Variants in GPC6 observed in about 807,000 individuals in gnomAD.
GPC6 encodes glypican-6.
Under a neutral mutation model 55.2 loss-of-function variants are expected in GPC6, and 14 were observed. The observed-to-expected ratio is 0.25, with a 90% CI of 0.17 to 0.40. The LOEUF is 0.40. GPC6 is among the 10% of genes least tolerant of loss of function. GPC6 has a pLI of 1.00. For synonymous variants in GPC6, 278 were observed against 259.6 expected (o/e 1.07, Z -0.68); for missense variants, 641 against 708.5 (o/e 0.90, Z 1.08).
intron 3 of GPC6, among the ~76,000 whole-genome samples, chr13:93,950,423 T>C (rs956193346): frequency 2.0e-5 from 3 of 152,310 alleles, no homozygotes; most frequent in African/African-American, 4.8e-5. Flanking sequence ...CTATTTTTTT[T>C]CCACCTATTA....
intron 4 of GPC6, among the ~76,000 whole-genome samples, chr13:94,157,148 A>G (rs1322024226): frequency 6.6e-6 from 1 of 152,176 alleles, no homozygotes; most frequent in African/African-American, 2.4e-5. Flanking sequence ...CTTTAGATGT[A>G]TGGCTTTGGG....
chr13:94,163,413 T>C (rs1888237711), intron 4 of GPC6, among the ~76,000 whole-genome samples: 1 of 152,090 alleles, frequency 6.6e-6, no homozygotes, highest in South Asian at 2.1e-4. Context: ...CCCTAAATTC[T>C]CATGTATGTA....
At chr13:93,460,275 G>T (rs1878629830) in intron 1 of GPC6, among the ~76,000 whole-genome samples, 1 of 152,144 alleles carries the variant, frequency 6.6e-6, no homozygotes. Context: ...TGGATAAATG[G>T]TCTTTAATTA....
chr13:93,746,689 A>G (rs6492676), intron 2 of GPC6, among the ~76,000 whole-genome samples: 139,853 of 152,238 alleles, frequency 0.92, 64,374 homozygotes, highest in Admixed American at 0.96. Flanking sequence ...AGGTGTCTAT[A>G]GCATAGCAGC....
At chr13:94,377,835 G>T (rs1879958871) in intron 6 of GPC6, among the ~76,000 whole-genome samples, 2 of 152,112 alleles carry the variant, frequency 1.3e-5, no homozygotes, top group African/African-American at 4.8e-5. Flanking sequence ...AGAAATTGTG[G>T]CACATATACA....
intron 2 of GPC6, among the ~76,000 whole-genome samples, chr13:93,774,418 T>C (rs1194105312): frequency 6.6e-6 from 1 of 152,212 alleles, no homozygotes; most frequent in Non-Finnish European, 1.5e-5. Flanking sequence ...AAGTATCTTA[T>C]ATTTTTAACT....
intron 4 of GPC6, among the ~76,000 whole-genome samples, chr13:94,072,255 A>T (rs1468676059): frequency 6.6e-6 from 1 of 152,250 alleles, no homozygotes; most frequent in Non-Finnish European, 1.5e-5. Flanking sequence ...TTTAATGAAG[A>T]TGGAAAACCA....
chr13:93,945,408 A>G (rs1355673261), intron 3 of GPC6, among the ~76,000 whole-genome samples: 2 of 152,222 alleles, frequency 1.3e-5, no homozygotes, highest in East Asian at 3.9e-4. Context: ...AAAGTCAGGA[A>G]GAGCAGAGGG....
intron 4 of GPC6, among the ~76,000 whole-genome samples, chr13:94,231,692 AGAGT>A (rs1388998538): frequency 2.0e-5 from 3 of 152,220 alleles, no homozygotes; most frequent in African/African-American, 7.2e-5. Flanking sequence ...CAAGCTAAGC[AGAGT>A]GATAGCAAAT....
At chr13:93,511,530 T>C (rs982915881) in intron 1 of GPC6, among the ~76,000 whole-genome samples, 5 of 152,150 alleles carry the variant, frequency 3.3e-5, no homozygotes, top group South Asian at 4.1e-4. Context: ...GTTTCATTGG[T>C]CTGTGTATCT....
At chr13:93,294,461 C>CA (rs1029566790) in intron 1 of GPC6, among the ~76,000 whole-genome samples, 3 of 152,126 alleles carry the variant, frequency 2.0e-5, no homozygotes, top group African/African-American at 7.2e-5. Context: ...CCTGCCCCTG[C>CA]AAAAAAGACA....
intron 1 of GPC6, among the ~76,000 whole-genome samples, chr13:93,254,200 C>A (rs1876876294): frequency 6.6e-6 from 1 of 152,106 alleles, no homozygotes; most frequent in Non-Finnish European, 1.5e-5. Flanking sequence ...GTGGCATGTG[C>A]CTGTAGTCCC....
intron 1 of GPC6, among the ~76,000 whole-genome samples, chr13:93,368,244 C>T (rs1881318047): frequency 6.6e-6 from 1 of 151,572 alleles, no homozygotes; most frequent in East Asian, 2.0e-4. Flanking sequence ...CCCTCCGTCC[C>T]TCCCTACTCC....
chr13:94,216,281 C>G (rs1890223741), intron 4 of GPC6, among the ~76,000 whole-genome samples: 2 of 152,120 alleles, frequency 1.3e-5, no homozygotes, highest in Non-Finnish European at 2.9e-5. Flanking sequence ...TTTACTTTCC[C>G]CATTAACACA....
chr13:93,675,916 T>C (rs778572606), intron 2 of GPC6, among the ~76,000 whole-genome samples: 99 of 151,820 alleles, frequency 6.5e-4, no homozygotes, highest in Non-Finnish European at 1.3e-3. Context: ...TTTATTACTA[T>C]ACAATTTCAG....
At chr13:93,586,459 A>G (rs2017149) in intron 2 of GPC6, among the ~76,000 whole-genome samples, 9,588 of 152,224 alleles carry the variant, frequency 0.063, 967 homozygotes, top group African/African-American at 0.21. Context: ...AAATAAGACC[A>G]CACACCCAAA....
intron 1 of GPC6, among the ~76,000 whole-genome samples, chr13:93,444,836 C>T (rs945141522): frequency 1.3e-5 from 2 of 152,096 alleles, no homozygotes; most frequent in Admixed American, 1.3e-4. Flanking sequence ...ATTTCACATA[C>T]ATTTTATTAT....
chr13:93,532,333 AGTGT>A (rs1881899877), intron 1 of GPC6, among the ~76,000 whole-genome samples: 1 of 151,918 alleles, frequency 6.6e-6, no homozygotes. Flanking sequence ...GTGTAATGTG[AGTGT>A]GTGTGTATAT....
intron 2 of GPC6, among the ~76,000 whole-genome samples, chr13:93,704,356 C>G (rs1882774048): frequency 1.3e-5 from 2 of 151,830 alleles, no homozygotes. Context: ...TCTTTTTGAG[C>G]CACAATGCAA....
Sources: allele counts gnomAD v4.1 joint callset (sites outside exome capture counted in the v4.1 genomes callset), GRCh38; gene constraint gnomAD v4.1.1; transcripts MANE v1.5; gene names NCBI Gene and HGNC (gene_info 2026-07-23, HGNC 2026-07-21).